Variants in BLTP3B observed in about 807,000 individuals in gnomAD.
BLTP3B encodes bridge-like lipid transfer protein family member 3B.
chr12:100,083,511 T>C, the BLTP3B span, among the ~76,000 whole-genome samples: 1 of 152,304 alleles, frequency 6.6e-6, no homozygotes, highest in East Asian at 1.9e-4. Flanking sequence ...TTCTAGCATT[T>C]ATAGGGTGAC....
the BLTP3B span, chr12:100,072,572 C>T: frequency 9.8e-7 from 1 of 1,023,474 alleles, no homozygotes; most frequent in Non-Finnish European, 1.3e-6. Context: ...AGGAACAATA[C>T]AGTTTTATTT....
At chr12:100,062,089 G>A in the BLTP3B span, among the ~76,000 whole-genome samples, 2 of 152,194 alleles carry the variant, frequency 1.3e-5, no homozygotes, top group African/African-American at 2.4e-5. Context: ...AAAGGGGAAA[G>A]ATGACCATCT....
chr12:100,102,479 G>C, the BLTP3B span, among the ~76,000 whole-genome samples: 8 of 152,230 alleles, frequency 5.3e-5, no homozygotes, highest in African/African-American at 1.9e-4. Flanking sequence ...CAGAGAAACT[G>C]ATCAGAGGCT....
At chr12:100,053,503 G>C in the BLTP3B span, among the ~76,000 whole-genome samples, 1 of 152,156 alleles carries the variant, frequency 6.6e-6, no homozygotes, top group Non-Finnish European at 1.5e-5. Flanking sequence ...GAGGTAGGCT[G>C]ATAGTCCAGT....
At chr12:100,084,353 TACTC>T in the BLTP3B span, 9 of 1,028,406 alleles carry the variant, frequency 8.8e-6, no homozygotes, top group Non-Finnish European at 1.2e-5. Flanking sequence ...GAAAAAAAAA[TACTC>T]ATTTACAGGA....
At chr12:100,122,285 A>C in the BLTP3B span, among the ~76,000 whole-genome samples, 1 of 152,186 alleles carries the variant, frequency 6.6e-6, no homozygotes. Context: ...CTCATACTAC[A>C]AAGAATATCA....
At chr12:100,125,775 A>C in the BLTP3B span, among the ~76,000 whole-genome samples, 11 of 152,216 alleles carry the variant, frequency 7.2e-5, no homozygotes, top group East Asian at 2.1e-3. Context: ...GCTCTTGGGA[A>C]ATTTAAACAA....
chr12:100,048,148 G>A, the BLTP3B span: 1 of 1,606,720 alleles, frequency 6.2e-7, no homozygotes, highest in Non-Finnish European at 8.5e-7. Flanking sequence ...AAATCTCAGA[G>A]AAATCTCAGG....
the BLTP3B span, among the ~76,000 whole-genome samples, chr12:100,100,745 T>C: frequency 2.7e-5 from 4 of 150,798 alleles, no homozygotes; most frequent in Non-Finnish European, 4.4e-5. Context: ...TTTTTTTTAC[T>C]CTGAACACCA....
the BLTP3B span, among the ~76,000 whole-genome samples, chr12:100,064,701 CAAGTA>C: frequency 3.3e-3 from 508 of 151,926 alleles, 3 homozygotes; most frequent in Non-Finnish European, 5.4e-3. Context: ...CTTCACATGT[CAAGTA>C]AAGATACAGT....
At chr12:100,105,722 A>T in the BLTP3B span, among the ~76,000 whole-genome samples, 9 of 152,348 alleles carry the variant, frequency 5.9e-5, no homozygotes, top group South Asian at 1.7e-3. Context: ...AACAAAAGAA[A>T]TAATCATCTG....
chr12:100,039,440 C>G, the BLTP3B span, among the ~76,000 whole-genome samples: 2 of 152,098 alleles, frequency 1.3e-5, no homozygotes, highest in Non-Finnish European at 2.9e-5. Flanking sequence ...ATTTTTTGCT[C>G]AACACTCTAA....
At chr12:100,129,273 G>C in the BLTP3B span, among the ~76,000 whole-genome samples, 1 of 151,962 alleles carries the variant, frequency 6.6e-6, no homozygotes, top group South Asian at 2.1e-4. Context: ...GAAAACTATA[G>C]TATTCATAGT....
At chr12:100,094,683 T>C in the BLTP3B span, among the ~76,000 whole-genome samples, 1 of 152,094 alleles carries the variant, frequency 6.6e-6, no homozygotes, top group African/African-American at 2.4e-5. Flanking sequence ...ACAGCGAAAC[T>C]CCATCTCTAA....
chr12:100,109,022 C>A, the BLTP3B span, among the ~76,000 whole-genome samples: 1 of 152,140 alleles, frequency 6.6e-6, no homozygotes, highest in African/African-American at 2.4e-5. Context: ...CCACCCAAAT[C>A]TCACCTCTAA....
the BLTP3B span, among the ~76,000 whole-genome samples, chr12:100,075,000 G>A: frequency 3.3e-5 from 5 of 151,044 alleles, no homozygotes; most frequent in Non-Finnish European, 7.4e-5. Context: ...AATGAAACTG[G>A]ACCCCTACAC....
the BLTP3B span, among the ~76,000 whole-genome samples, chr12:100,079,785 G>C: frequency 6.6e-6 from 1 of 152,188 alleles, no homozygotes; most frequent in African/African-American, 2.4e-5. Flanking sequence ...CAGAGGCCTA[G>C]AAGGAAAAAG....
At chr12:100,102,887 A>C in the BLTP3B span, 1 of 1,301,024 alleles carries the variant, frequency 7.7e-7, no homozygotes, top group East Asian at 2.4e-5. Flanking sequence ...ATAAACAATT[A>C]GATTATTTAT....
chr12:100,086,383 G>A, the BLTP3B span: 38 of 502,892 alleles, frequency 7.6e-5, no homozygotes, highest in Non-Finnish European at 1.0e-4. Context: ...GGGGGGGGGG[G>A]AAATATTAAG....
Sources: allele counts gnomAD v4.1 joint callset (sites outside exome capture counted in the v4.1 genomes callset), GRCh38; gene constraint gnomAD v4.1.1; transcripts MANE v1.5; gene names NCBI Gene and HGNC (gene_info 2026-07-23, HGNC 2026-07-21).